Variants in DIAPH3 observed in about 807,000 individuals in gnomAD.
The protein encoded by DIAPH3 is diaphanous related formin 3.
DIAPH3 carries 117 observed loss-of-function variants against 144.3 expected under a neutral mutation model. The observed-to-expected ratio is 0.81, with a 90% confidence interval of 0.70 to 0.95. The LOEUF (loss-of-function observed/expected upper bound fraction) is 0.95. Ranked by LOEUF, DIAPH3 falls within the 40% of genes least tolerant of loss-of-function variation. DIAPH3 has a pLI of 0.00. For synonymous variants in DIAPH3, 519 were observed against 488.9 expected, an observed-to-expected ratio of 1.06 and a Z score of -0.81; for missense variants, 1,421 against 1,412.7, an observed-to-expected ratio of 1.01 and a Z score of -0.09.
intron 21 of DIAPH3, among the ~76,000 whole-genome samples, chr13:59,866,212 C>A (rs2043914468): frequency 6.6e-6 from 1 of 151,864 alleles, no homozygotes; most frequent in Non-Finnish European, 1.5e-5. Flanking sequence ...TAATATAACA[C>A]ATGTTAAGTG....
intron 18 of DIAPH3, among the ~76,000 whole-genome samples, chr13:59,917,954 C>T (rs1472358964): frequency 2.0e-5 from 3 of 146,600 alleles, no homozygotes; most frequent in East Asian, 2.0e-4. Context: ...AAGACAACTC[C>T]GTAGTAGACA....
intron 12 of DIAPH3, among the ~76,000 whole-genome samples, chr13:59,989,781 G>A (rs1318364000): frequency 6.6e-6 from 1 of 151,770 alleles, no homozygotes; most frequent in Non-Finnish European, 1.5e-5. Context: ...CTCTCTTGGG[G>A]CACAGATGAA....
At chr13:60,007,638 C>T (rs1412975586) in intron 9 of DIAPH3, among the ~76,000 whole-genome samples, 6 of 151,958 alleles carry the variant, frequency 3.9e-5, no homozygotes, top group Admixed American at 2.6e-4. Flanking sequence ...TTTAGAAGTA[C>T]GGAGGTGAGA....
intron 4 of DIAPH3, among the ~76,000 whole-genome samples, chr13:60,092,423 C>T (rs1414240614): frequency 6.6e-6 from 1 of 152,100 alleles, no homozygotes; most frequent in Non-Finnish European, 1.5e-5. Context: ...GAGGCCAAGG[C>T]GGGCGGATCA....
chr13:59,722,896 C>T (rs898702900), intron 27 of DIAPH3, among the ~76,000 whole-genome samples: 2 of 152,128 alleles, frequency 1.3e-5, no homozygotes, highest in African/African-American at 4.8e-5. Context: ...CCTAATGACC[C>T]CGAATCCACT....
chr13:59,726,785 T>C (rs1227503368), intron 27 of DIAPH3, among the ~76,000 whole-genome samples: 3 of 152,154 alleles, frequency 2.0e-5, no homozygotes, highest in African/African-American at 7.2e-5. Context: ...AAATGAGTAA[T>C]TGAGTGTTAA....
chr13:60,127,149 T>C (rs1192058340), intron 2 of DIAPH3, among the ~76,000 whole-genome samples: 5 of 151,800 alleles, frequency 3.3e-5, no homozygotes, highest in African/African-American at 7.2e-5. Flanking sequence ...AATATGAGGA[T>C]TGCAAAGGGG....
intron 21 of DIAPH3, among the ~76,000 whole-genome samples, chr13:59,868,531 GTACATTTGTGACAAGTAA>G: frequency 6.6e-6 from 1 of 152,162 alleles, no homozygotes; most frequent in East Asian, 1.9e-4. Context: ...CATTAGTGTG[GTACATTTGTGACAAGTAA>G]TGTACCAGTA....
At chr13:59,833,322 CA>C in intron 23 of DIAPH3, 51 bp from the exon 24 acceptor site, 2 of 1,434,814 alleles carry the variant, frequency 1.4e-6, no homozygotes, top group South Asian at 1.2e-5. Flanking sequence ...GCTTTGGGGG[CA>C]GGGGGAACTC....
At chr13:59,886,082 A>G (rs2045427139) in intron 20 of DIAPH3, among the ~76,000 whole-genome samples, 1 of 152,170 alleles carries the variant, frequency 6.6e-6, no homozygotes, top group African/African-American at 2.4e-5. Flanking sequence ...AACCTAAAAC[A>G]TTGCCAAAGT....
At chr13:60,117,147 T>A (rs2058724156) in intron 2 of DIAPH3, among the ~76,000 whole-genome samples, 1 of 151,968 alleles carries the variant, frequency 6.6e-6, no homozygotes, top group Admixed American at 6.6e-5. Context: ...AATAATAAAA[T>A]ATAATTATCA....
intron 27 of DIAPH3, among the ~76,000 whole-genome samples, chr13:59,691,682 G>A (rs1448597950): frequency 6.6e-6 from 1 of 152,126 alleles, no homozygotes; most frequent in African/African-American, 2.4e-5. Context: ...CAAAAGACAG[G>A]AAGCAAAGCT....
At chr13:59,802,033 G>C (rs1341878746) in intron 25 of DIAPH3, among the ~76,000 whole-genome samples, 2 of 151,868 alleles carry the variant, frequency 1.3e-5, no homozygotes, top group East Asian at 3.9e-4. Context: ...CCAATGAATA[G>C]ATTTCCTTCA....
chr13:59,827,953 A>G (rs2041542628), intron 24 of DIAPH3, among the ~76,000 whole-genome samples: 1 of 152,054 alleles, frequency 6.6e-6, no homozygotes, highest in African/African-American at 2.4e-5. Flanking sequence ...TAGAAGCATG[A>G]TATCATTTGC....
chr13:60,159,007 C>T (rs965093487), intron 1 of DIAPH3, among the ~76,000 whole-genome samples: 4 of 150,608 alleles, frequency 2.7e-5, no homozygotes, highest in Admixed American at 6.6e-5. Flanking sequence ...GAGTGTCTAC[C>T]TTTCAGAAGA....
chr13:59,802,848 ATTT>A (rs1247284909), intron 25 of DIAPH3, among the ~76,000 whole-genome samples: 1 of 145,926 alleles, frequency 6.9e-6, no homozygotes, highest in East Asian at 2.0e-4. Flanking sequence ...CGCCCGGCTA[ATTT>A]TTTTTTGTAT....
chr13:59,952,339 C>T (rs2140445054), intron 17 of DIAPH3, among the ~76,000 whole-genome samples: 1 of 152,148 alleles, frequency 6.6e-6, no homozygotes, highest in African/African-American at 2.4e-5. Context: ...GTACTAAAAG[C>T]CACAATTATT....
At chr13:60,162,573 CCTCATTTTCAATTAATCTATGCTGTTT>C (rs1248679355) in intron 1 of DIAPH3, among the ~76,000 whole-genome samples, 1 of 152,054 alleles carries the variant, frequency 6.6e-6, no homozygotes, top group Non-Finnish European at 1.5e-5. Flanking sequence ...CTATGCTGTT[CCTCATTTTCAATTAATCTATGCTGTTT>C]CTCATTTTCA....
intron 4 of DIAPH3, among the ~76,000 whole-genome samples, chr13:60,084,310 G>A (rs983197363): frequency 6.6e-6 from 1 of 151,708 alleles, no homozygotes; most frequent in Admixed American, 6.6e-5. Context: ...TTTTTTTGAT[G>A]TTTTCTGTAA....
Sources: gnomAD v4.1 joint callset for allele counts (sites outside exome capture counted in the v4.1 genomes callset) on GRCh38, gnomAD v4.1.1 for gene constraint, MANE v1.5 for transcripts, NCBI Gene and HGNC (gene_info 2026-07-23, HGNC 2026-07-21) for gene names.